The following ADGRB1 variants were observed in gnomAD, a reference collection of about 807,000 sequenced individuals.
ADGRB1 encodes adhesion G protein-coupled receptor B1.
ADGRB1 carries 36 observed loss-of-function variants against 175.7 expected under a neutral mutation model. The ratio of observed to expected loss-of-function variants is 0.20; its 90% CI spans 0.16 to 0.27. The LOEUF is 0.27. ADGRB1 is among the 10% of genes least tolerant of loss of function. ADGRB1 has a pLI of 1.00. For synonymous variants in ADGRB1, 1,054 were observed against 979.4 expected, an observed-to-expected ratio of 1.08 and a Z score of -1.42; for missense variants, 1,731 against 2,255.3, an observed-to-expected ratio of 0.77 and a Z score of 4.71.
At position 142,467,273 on chromosome 8, in the gene ADGRB1, G is replaced by C. The variant is rs1270013352; in HGVS notation, c.784+2291G>C. 4.6e-5 allele frequency among the ~76,000 whole-genome samples: 7 copies of C among 152,252 alleles called. No individual in the cohort carries two copies. The East Asian group carries it at 1.3e-3, about 29-fold the overall frequency. ...CAGAAGAGCCAGATGGTTGGGCTGTGAGTGCAGAAGAGATGTCAGCCCTGA... is the reference window on the plus strand; with the variant it reads ...CAGAAGAGCCAGATGGTTGGGCTGTCAGTGCAGAAGAGATGTCAGCCCTGA... On this transcript the variant is annotated intron_variant, in intron 2 of 30. Coordinates refer to ENST00000517894, the MANE Select transcript of ADGRB1 (RefSeq NM_001702.3).
Position 142,476,655 on chromosome 8 carries a change from G to T in ADGRB1, c.1017G>T (p.Gly339=). 1 of 1,548,222 alleles carries T rather than the reference G, an allele frequency of 6.5e-7. No individual in the cohort carries two copies. The highest frequency in any genetic ancestry group is 2.4e-5 in the East Asian group (1 of 40,876). ...STDARRREEL[G]DELQQFGFPA... ...ATGCCCGGCGGCGCGAGGAGCTGGGGGACGAGCTGCAGCAGTTTGGGTTCC... is the reference window on the plus strand; with the variant it reads ...ATGCCCGGCGGCGCGAGGAGCTGGGTGACGAGCTGCAGCAGTTTGGGTTCC... Residue 339 remains glycine, a synonymous_variant, in exon 4 of 31, where the codon GGG becomes GGT. Coordinates refer to ENST00000517894, the MANE Select transcript of ADGRB1 (RefSeq NM_001702.3).
chr8:142,519,255 A>G (rs1423882896), intron 19 of ADGRB1, among the ~76,000 whole-genome samples: 1 of 152,130 alleles, frequency 6.6e-6, no homozygotes, highest in Non-Finnish European at 1.5e-5. Context: ...TTTTCAAAGC[A>G]TCTCCCTTGG....
rs1397397360 is a variant in ADGRB1, at chr8:142,526,573, A to G, written c.3344A>G (p.Asn1115Ser). The G allele has an allele frequency of 1.2e-6, 2 of 1,611,580 alleles. No homozygotes were observed. The highest frequency in any genetic ancestry group is 1.7e-6 in the Non-Finnish European group (2 of 1,179,144). ...VNMVIGILVF[N>S]KLVSKDGITD... Reference sequence around the variant, plus strand: ...ATGGTCATTGGGATCCTGGTGTTCAACAAGCTCGTGTCCAAAGACGGCATC... The same window carrying G: ...ATGGTCATTGGGATCCTGGTGTTCAGCAAGCTCGTGTCCAAAGACGGCATC... Residue 1115 changes from asparagine (N) to serine (S), a missense_variant, in exon 24 of 31, where the codon AAC (asparagine) becomes AGC (serine). This residue lies in a region of ADGRB1 where 301 missense variants were observed against 488.4 expected (regional missense o/e 0.62). Coordinates refer to ENST00000517894, the MANE Select transcript of ADGRB1 (RefSeq NM_001702.3).
At chr8:142,451,782 G>A (rs1839366567) in intron 1 of ADGRB1, among the ~76,000 whole-genome samples, 1 of 152,158 alleles carries the variant, frequency 6.6e-6, no homozygotes, top group Admixed American at 6.5e-5. Flanking sequence ...CGGTGTGTGG[G>A]GTCTGGGGAG....
intron 17 of ADGRB1, 95 bp downstream of exon 17, chr8:142,490,910 C>T: frequency 1.4e-6 from 2 of 1,442,172 alleles, no homozygotes; most frequent in Non-Finnish European, 1.9e-6. Flanking sequence ...CAGGTCTTGT[C>T]CACTTGCCCC....
chr8:142,476,183 CAT>C (rs1449108368), intron 3 of ADGRB1, among the ~76,000 whole-genome samples: 1 of 152,210 alleles, frequency 6.6e-6, no homozygotes, highest in African/African-American at 2.4e-5. Context: ...ATGAGACTGT[CAT>C]TGTTTGGGCT....
chr8:142,454,098 C>G (rs1025396115), intron 1 of ADGRB1, among the ~76,000 whole-genome samples: 1 of 152,142 alleles, frequency 6.6e-6, no homozygotes, highest in African/African-American at 2.4e-5. Flanking sequence ...GTGGCTTGGC[C>G]TGATGGGGAT....
chr8:142,460,509 G>A (rs962023670), intron 1 of ADGRB1, among the ~76,000 whole-genome samples: 3 of 152,174 alleles, frequency 2.0e-5, no homozygotes, highest in Middle Eastern at 3.2e-3. Context: ...GGGGAGCCGG[G>A]AAGTAACCTG....
At chr8:142,453,387 T>C (rs1290809510) in intron 1 of ADGRB1, among the ~76,000 whole-genome samples, 1 of 152,168 alleles carries the variant, frequency 6.6e-6, no homozygotes, top group Non-Finnish European at 1.5e-5. Context: ...GTGCACGGGA[T>C]GGACCCCTGG....
intron 24 of ADGRB1, among the ~76,000 whole-genome samples, chr8:142,530,141 A>G (rs932320168): frequency 3.9e-5 from 6 of 151,940 alleles, no homozygotes; most frequent in Admixed American, 1.3e-4. Context: ...GTGTGTATAT[A>G]ATTGGGCATG....
At position 142,544,249 on chromosome 8, in the gene ADGRB1, G is replaced by A; in HGVS notation, c.4587G>A (p.Arg1529=). 1 of 1,549,152 alleles carries A rather than the reference G, an allele frequency of 6.5e-7. No individual in the cohort carries two copies. The highest frequency in any genetic ancestry group is 2.0e-5 in the Admixed American group (1 of 50,980). ...AAAAGCAGCAGACGCCCAACAAGAGGCCCTGGGAGAGCCTCCGGAAAGCCC... is the reference window on the plus strand; with the variant it reads ...AAAAGCAGCAGACGCCCAACAAGAGACCCTGGGAGAGCCTCCGGAAAGCCC... ...KPEKQQTPNK[R]PWESLRKAHG... is the part of the protein sequence containing the mutation. Residue 1529 remains arginine (R), a synonymous_variant, in exon 31 of 31, where the codon AGG becomes AGA. Coordinates refer to ENST00000517894, the MANE Select transcript of ADGRB1 (RefSeq NM_001702.3).
chr8:142,529,692 CGGTG>C (rs1844485013), intron 24 of ADGRB1, among the ~76,000 whole-genome samples: 5 of 124,590 alleles, frequency 4.0e-5, no homozygotes, highest in East Asian at 2.0e-4. Context: ...GAGCGTGCAT[CGGTG>C]TACCTGTGAG....
intron 17 of ADGRB1, among the ~76,000 whole-genome samples, 177 bp downstream of exon 17, chr8:142,490,992 CAG>C (rs1278236038): frequency 6.6e-6 from 1 of 152,176 alleles, no homozygotes; most frequent in Non-Finnish European, 1.5e-5. Flanking sequence ...TGGAGCCCAC[CAG>C]GCCGCCTCCC....
chr8:142,526,503 G>GGCCCCCCCCCCCCCCCCCCCC, intron 23 of ADGRB1, 39 bp from the exon 24 acceptor site: 16 of 1,259,186 alleles, frequency 1.3e-5, no homozygotes, highest in East Asian at 2.7e-5. Flanking sequence ...GCCTACGGCG[G>GGCCCCCCCCCCCCCCCCCCCC]CCCCCACCCC....
At chr8:142,454,125 G>A (rs766298800) in intron 1 of ADGRB1, among the ~76,000 whole-genome samples, 69 of 152,110 alleles carry the variant, frequency 4.5e-4, no homozygotes, top group Non-Finnish European at 8.4e-4. Context: ...GAGATGGGGC[G>A]CCCCATGGGC....
chr8:142,493,410 C>G lies in ADGRB1; in HGVS notation c.2675+2595C>G, dbSNP rs1842072256. Among the ~76,000 whole-genome samples the G allele has an allele frequency of 6.6e-6, 1 of 152,152 alleles. No homozygotes were observed. Among genetic ancestry groups the G allele is most frequent in the African/African-American group, 2.4e-5 (1 of 41,452 alleles). ...CCAGGGTGTTTGGCGTCCGCGTGGC[C>G]TCTGTCGACCCTAAAAGTCACAGGT... On this transcript the variant is annotated intron_variant, in intron 17 of 30. Coordinates refer to ENST00000517894, the MANE Select transcript of ADGRB1 (RefSeq NM_001702.3). The surrounding 1 kb of genome is among the most constrained non-coding windows in gnomAD (Gnocchi z 5.0).
At chr8:142,528,020 C>T (rs911022692) in intron 24 of ADGRB1, among the ~76,000 whole-genome samples, 5 of 152,206 alleles carry the variant, frequency 3.3e-5, no homozygotes, top group East Asian at 1.9e-4. Context: ...CCCAGGAGCG[C>T]ACCCAGACTC....
At chr8:142,526,349 A>G (rs1844187534) in intron 23 of ADGRB1, among the ~76,000 whole-genome samples, 193 bp from the exon 24 acceptor site, 1 of 152,164 alleles carries the variant, frequency 6.6e-6, no homozygotes, top group South Asian at 2.1e-4. Flanking sequence ...AGGGCCCTGC[A>G]CAGTTGGCAG....
At position 142,475,627 on chromosome 8, in the gene ADGRB1, C is replaced by CGTGA; in HGVS notation, c.938_939insGTGA (p.Cys314Ter). On this transcript the variant is annotated stop_gained and frameshift_variant, in exon 3 of 31. Transcript: ENST00000517894. LOFTEE classifies it high-confidence loss of function. ...GAGGGTCGCCAGTGCAACCGCGAGG[C>CGTGA]CTGCGGCCGTGAGTGCGGGCGGGGC... 1 of 1,230,656 alleles carries CGTGA rather than the reference C, an allele frequency of 8.1e-7. No homozygotes were observed. The highest frequency in any genetic ancestry group is 1.0e-6 in the Non-Finnish European group (1 of 986,942). 76.2% of individuals were successfully genotyped at this position (1,230,656 alleles called of 1,614,324 possible).
Sources: allele counts gnomAD v4.1 joint callset (sites outside exome capture counted in the v4.1 genomes callset), GRCh38; gene constraint gnomAD v4.1.1; regional missense constraint gnomAD v4.1.1; non-coding constraint Gnocchi (gnomAD v3.1); transcripts MANE v1.5; gene names NCBI Gene and HGNC (gene_info 2026-07-23, HGNC 2026-07-21).